The following TRIM2 variants were observed in gnomAD, a reference collection of about 807,000 sequenced individuals.
TRIM2 encodes tripartite motif containing 2.
In TRIM2, 20 loss-of-function variants were observed where a neutral mutation model predicts 75.2. The observed-to-expected ratio is 0.27, with a 90% CI of 0.19 to 0.39. TRIM2 has a LOEUF of 0.39. Among genes scored for constraint, TRIM2 ranks in the 10% least tolerant of loss-of-function variants. TRIM2 has a pLI of 1.00. For synonymous variants in TRIM2, 373 were observed against 388.3 expected (o/e 0.96, Z 0.46); for missense variants, 660 against 990.8 (o/e 0.67, Z 4.48).
rs181752876 is a variant in TRIM2, at chr4:153,175,859, C to T, written c.-49+22589C>T. Reference sequence around the variant, plus strand: ...TTTGATAACTGGTTATGTGGGAACTCTTAGGAAATACACATTAAGGTATTT... The same window carrying T: ...TTTGATAACTGGTTATGTGGGAACTTTTAGGAAATACACATTAAGGTATTT... On this transcript the variant is annotated intron_variant, in intron 1 of 11. Transcript: ENST00000437508. 7.9e-5 allele frequency among the ~76,000 whole-genome samples: 12 copies of T among 152,124 alleles called. No individual in the cohort carries two copies. In the East Asian group the frequency reaches 2.3e-3, roughly 29 times the overall value.
At chr4:153,224,864 C>T (rs967210126) in intron 1 of TRIM2, among the ~76,000 whole-genome samples, 1 of 152,228 alleles carries the variant, frequency 6.6e-6, no homozygotes, top group African/African-American at 2.4e-5. Flanking sequence ...TAGATAGTCT[C>T]AGTGAGAATT....
intron 8 of TRIM2, among the ~76,000 whole-genome samples, chr4:153,320,674 C>A (rs1425521279): frequency 6.6e-6 from 1 of 152,114 alleles, no homozygotes; most frequent in Non-Finnish European, 1.5e-5. Flanking sequence ...GCTCTGTCAC[C>A]CAGGCTGGAG....
At chr4:153,178,563 C>T (rs1731715267) in intron 1 of TRIM2, among the ~76,000 whole-genome samples, 1 of 152,150 alleles carries the variant, frequency 6.6e-6, no homozygotes, top group Admixed American at 6.5e-5. Context: ...TGTTGAAAAG[C>T]TCACTATGCT....
chr4:153,275,374 G>A (rs1265170826), intron 2 of TRIM2, among the ~76,000 whole-genome samples: 1 of 152,162 alleles, frequency 6.6e-6, no homozygotes, highest in Non-Finnish European at 1.5e-5. Context: ...TTTCCACTTT[G>A]ATGTGTTTTT....
intron 10 of TRIM2, among the ~76,000 whole-genome samples, chr4:153,326,979 C>CAAA (rs10718802): frequency 1.0e-3 from 103 of 98,912 alleles, no homozygotes; most frequent in African/African-American, 3.0e-3. Flanking sequence ...GACTCCATCT[C>CAAA]AAAAAAAAAA....
At chr4:153,279,935 T>A (rs1307923099) in intron 3 of TRIM2, among the ~76,000 whole-genome samples, 1 of 122,022 alleles carries the variant, frequency 8.2e-6, no homozygotes, top group Non-Finnish European at 1.6e-5. Flanking sequence ...AGAGTGAGAC[T>A]CTGTCTCAAA....
rs192834233 is a variant in TRIM2, at chr4:153,161,403, A to G, written c.-49+8133A>G. 1.8e-3 allele frequency among the ~76,000 whole-genome samples: 271 copies of G among 152,320 alleles called. 1 individual carries two copies. Among genetic ancestry groups the G allele is most frequent in the Non-Finnish European group, 2.2e-3 (151 of 68,030 alleles). Reference sequence around the variant, plus strand: ...TTCAGCCTTAACAGTTATCCTATGAAAAGTTATTATCCTCGTTTTAGAGAT... The same window carrying G: ...TTCAGCCTTAACAGTTATCCTATGAGAAGTTATTATCCTCGTTTTAGAGAT... On this transcript the variant is annotated intron_variant, in intron 1 of 11. Transcript: ENST00000437508.
rs1762575606 is a variant in TRIM2, at chr4:153,295,415, G to A, written c.889G>A (p.Val297Ile). ...CCTCAACCATGGCACGGAGACCGAG[G>A]TCCTACTGGTGAAGAAGCAGATGAG... ...QALNHGTETE[V>I]LLVKKQMSEK... is the part of the protein sequence containing the mutation. Residue 297 changes from valine (V) to isoleucine (I), a missense_variant, in exon 6 of 12, where the codon GTC becomes ATC. Physicochemically the swap from Val to Ile is conservative, Grantham distance 29 (BLOSUM62 3). Around this residue, in one of 2 missense-constraint regions of TRIM2, gnomAD observed 620 missense variants for 891.0 expected, o/e 0.70. Transcript: ENST00000338700. The surrounding 1 kb of genome is among the most constrained non-coding windows in gnomAD (Gnocchi z 7.2). 1 of 1,614,166 alleles carries A rather than the reference G, an allele frequency of 6.2e-7. No homozygotes were observed. Among genetic ancestry groups the A allele is most frequent in the Non-Finnish European group, 8.5e-7 (1 of 1,179,994 alleles).
At chr4:153,320,266 C>T (rs1421759972) in intron 8 of TRIM2, among the ~76,000 whole-genome samples, 1 of 152,140 alleles carries the variant, frequency 6.6e-6, no homozygotes, top group Non-Finnish European at 1.5e-5. Flanking sequence ...TAATTGTGTT[C>T]CTTTGCTCTA....
chr4:153,278,797 C>CAA (rs5863036), intron 3 of TRIM2, among the ~76,000 whole-genome samples: 103 of 123,028 alleles, frequency 8.4e-4, no homozygotes, highest in Admixed American at 3.4e-3. Flanking sequence ...GACTCTATCT[C>CAA]AAAAAAAAAA....
intron 1 of TRIM2, among the ~76,000 whole-genome samples, chr4:153,187,117 G>A (rs1175299026): frequency 6.6e-6 from 1 of 152,184 alleles, no homozygotes; most frequent in Non-Finnish European, 1.5e-5. Flanking sequence ...TTAAATTTCA[G>A]AATGTTTGGC....
At position 153,293,050 on chromosome 4, in the gene TRIM2, A is replaced by G. The variant is rs2150133754; in HGVS notation, c.522A>G (p.Ala174=). The part of the protein sequence containing the change: ...MCRECTEGEH[A]EHPTVPLKDV... Reference sequence around the variant, plus strand: ...GGGAGTGCACGGAGGGGGAGCACGCAGAGCACCCCACAGTTCCACTCAAGG... The same window carrying G: ...GGGAGTGCACGGAGGGGGAGCACGCGGAGCACCCCACAGTTCCACTCAAGG... The change falls in exon 4 of 12, where the codon GCA becomes GCG. Residue 174 remains alanine (A), a synonymous_variant. Transcript: ENST00000338700. 1.2e-6 allele frequency: 2 copies of G among 1,613,832 alleles called. No individual in the cohort carries two copies. The highest frequency in any genetic ancestry group is 1.1e-5 in the South Asian group (1 of 91,058).
chr4:153,242,361 G>A (rs1236427483), intron 1 of TRIM2, among the ~76,000 whole-genome samples: 1 of 149,310 alleles, frequency 6.7e-6, no homozygotes, highest in Non-Finnish European at 1.5e-5. Flanking sequence ...TGCCTTCTCT[G>A]TGAATCCCCC....
chr4:153,275,676 T>A (rs528158652), intron 2 of TRIM2, among the ~76,000 whole-genome samples: 1 of 152,336 alleles, frequency 6.6e-6, no homozygotes, highest in South Asian at 2.1e-4. Flanking sequence ...ACTACAAAAG[T>A]CAATGACATT....
At chr4:153,157,775 T>C (rs888776514) in intron 1 of TRIM2, among the ~76,000 whole-genome samples, 2 of 152,222 alleles carry the variant, frequency 1.3e-5, no homozygotes, top group Non-Finnish European at 2.9e-5. Flanking sequence ...AGTGCCTTGC[T>C]TCGAGCCACT....
chr4:153,311,233 T>C (rs1766217974), intron 6 of TRIM2, among the ~76,000 whole-genome samples: 2 of 152,240 alleles, frequency 1.3e-5, no homozygotes, highest in Non-Finnish European at 2.9e-5. Context: ...AAAGTGTTAG[T>C]ACTTTTTCCT....
chr4:153,262,729 G>A (rs763119037), intron 1 of TRIM2, among the ~76,000 whole-genome samples: 2 of 152,124 alleles, frequency 1.3e-5, no homozygotes, highest in Non-Finnish European at 2.9e-5. Context: ...CTTGTTTCAG[G>A]AAAGGGCTGT....
At chr4:153,293,218 G>T (rs1762169608) in intron 4 of TRIM2, 85 bp downstream of exon 4, 21 of 1,352,858 alleles carry the variant, frequency 1.6e-5, no homozygotes, top group African/African-American at 2.9e-5. Flanking sequence ...ACAAGAGTAG[G>T]TTCATATTTC....
intron 5 of TRIM2, among the ~76,000 whole-genome samples, chr4:153,294,961 A>AT (rs1337984823): frequency 6.6e-6 from 1 of 152,164 alleles, no homozygotes; most frequent in Admixed American, 6.5e-5. Context: ...GGTGATGGAC[A>AT]TGGGGACATG....
Sources: gnomAD v4.1 joint callset for allele counts (sites outside exome capture counted in the v4.1 genomes callset) on GRCh38, gnomAD v4.1.1 for gene constraint, gnomAD v4.1.1 regional missense constraint, Gnocchi (gnomAD v3.1) non-coding constraint, MANE v1.5 for transcripts, NCBI Gene and HGNC (gene_info 2026-07-23, HGNC 2026-07-21) for gene names.